Variants in IGF1R observed in about 807,000 individuals in gnomAD.
IGF1R encodes insulin like growth factor 1 receptor.
IGF1R carries 44 observed loss-of-function variants against 144.6 expected under a neutral mutation model. The ratio of observed to expected loss-of-function variants is 0.30; its 90% CI spans 0.24 to 0.39. The LOEUF (loss-of-function observed/expected upper bound fraction) is 0.39, where lower values mean the gene tolerates loss of function less well. Ranked by LOEUF, IGF1R falls within the 10% of genes least tolerant of loss-of-function variation. The probability of loss-of-function intolerance (pLI) is 1.00; values close to 1 mark genes in which losing one functional copy is unlikely to be tolerated. For missense variants in IGF1R, 1,355 were observed against 1,833.7 expected, an observed-to-expected ratio of 0.74 and a Z score of 4.77; for synonymous variants, 795 against 722.8, an observed-to-expected ratio of 1.10 and a Z score of -1.60.
At position 98,650,899 on chromosome 15, in the gene IGF1R, G is replaced by A. The variant is rs1052234692; in HGVS notation, c.94+1224G>A. 137 of 984,656 alleles carry A rather than the reference G, an allele frequency of 1.4e-4. No individual in the cohort carries two copies. In the African/African-American group the frequency reaches 2.2e-3, roughly 16 times the overall value. The allele number at this position is 984,656 out of a possible 1,614,324, so 61.0% of individuals were successfully genotyped here. A position where few individuals can be genotyped will look rare whatever the true frequency, so the allele number is the denominator to read the frequency against. Reference sequence around the variant, plus strand: ...GTGTCGGGTGGGGGTTAGTAGGGAAGCGCGGGGATGCGGGGAGCGAGAACT... The same window carrying A: ...GTGTCGGGTGGGGGTTAGTAGGGAAACGCGGGGATGCGGGGAGCGAGAACT... On this transcript the variant is annotated intron_variant, in intron 1 of 20. Transcript: ENST00000650285.
At chr15:98,677,035 A>T (rs1362057323) in intron 1 of IGF1R, among the ~76,000 whole-genome samples, 2 of 152,092 alleles carry the variant, frequency 1.3e-5, no homozygotes, top group Non-Finnish European at 2.9e-5. Flanking sequence ...TCCTAGGCTC[A>T]AGTAATCCTC....
chr15:98,935,730 A>G lies in IGF1R; in HGVS notation c.3297+304A>G, dbSNP rs1210737979. ...CACATCAGTGTCCACCTGCCAAGCC[A>G]GGCCAGCGCCACTCCCTCCCCGAAG... On this transcript the variant is annotated intron_variant, in intron 17 of 20. Transcript: ENST00000650285. The surrounding 1 kb of genome is among the most constrained non-coding windows in gnomAD (Gnocchi z 4.2). Among the ~76,000 whole-genome samples the G allele has an allele frequency of 2.0e-5, 3 of 146,538 alleles. No homozygotes were observed. Among genetic ancestry groups the G allele is most frequent in the East Asian group, 2.0e-4 (1 of 4,940 alleles).
intron 2 of IGF1R, among the ~76,000 whole-genome samples, chr15:98,877,481 C>A: frequency 7.3e-6 from 1 of 136,572 alleles, no homozygotes; most frequent in South Asian, 2.3e-4. Context: ...AAAAATGGCA[C>A]TAGCAGCCTT....
chr15:98,940,163 T>C (rs2684796), intron 18 of IGF1R, among the ~76,000 whole-genome samples: 117,789 of 152,172 alleles, frequency 0.77, 46,795 homozygotes, highest in Non-Finnish European at 0.88. Flanking sequence ...TTTACCAGGA[T>C]TCTCATCTTC....
At chr15:98,672,904 C>T (rs958406202) in intron 1 of IGF1R, among the ~76,000 whole-genome samples, 1 of 152,176 alleles carries the variant, frequency 6.6e-6, no homozygotes, top group African/African-American at 2.4e-5. Context: ...GGTGGGATTC[C>T]TAATGTCCAG....
chr15:98,951,542 G>A (rs1172003469), intron 20 of IGF1R, among the ~76,000 whole-genome samples: 1 of 152,254 alleles, frequency 6.6e-6, no homozygotes, highest in African/African-American at 2.4e-5. Context: ...TGAAGGCGAG[G>A]AACGCAGGAG....
At chr15:98,835,150 C>G (rs2057076296) in intron 2 of IGF1R, among the ~76,000 whole-genome samples, 1 of 149,312 alleles carries the variant, frequency 6.7e-6, no homozygotes, top group East Asian at 2.0e-4. Flanking sequence ...CCCACACACA[C>G]CCACCCCTAC....
intron 2 of IGF1R, among the ~76,000 whole-genome samples, chr15:98,875,330 CTTTCTTTTCT>C (rs1555455548): frequency 4.2e-5 from 6 of 142,292 alleles, no homozygotes; most frequent in South Asian, 2.2e-4. Context: ...TAGTTTCTTT[CTTTCTTTTCT>C]TTTCTTTTCT....
In IGF1R at chr15:98,648,880, G is replaced by A. The variant is rs1416764779; in HGVS notation, c.-702G>A. 1 of 145,194 alleles carries A rather than the reference G, an allele frequency of 6.9e-6. No individual in the cohort carries two copies. 9.0% of individuals were successfully genotyped at this position (145,194 alleles called of 1,614,324 possible). Reference sequence around the variant, plus strand: ...GGGCGGGGGCCGGGCGGGGGCCGGCGCGGGGCGGGCGGCGGCGCAGAGCCG... The same window carrying A: ...GGGCGGGGGCCGGGCGGGGGCCGGCACGGGGCGGGCGGCGGCGCAGAGCCG... On this transcript the variant is annotated 5_prime_UTR_variant, in exon 1 of 21. Transcript: ENST00000650285.
intron 2 of IGF1R, among the ~76,000 whole-genome samples, chr15:98,730,598 A>T (rs1174834864): frequency 6.6e-6 from 1 of 152,144 alleles, no homozygotes; most frequent in East Asian, 1.9e-4. Context: ...GATGGAAGAG[A>T]GTCACTTGTT....
chr15:98,703,821 T>C (rs2141252449), intron 1 of IGF1R, among the ~76,000 whole-genome samples: 1 of 152,376 alleles, frequency 6.6e-6, no homozygotes, highest in East Asian at 1.9e-4. Flanking sequence ...TTTGTCTTCA[T>C]GTTGTTTCAC....
At chr15:98,667,483 T>C (rs2141189250) in intron 1 of IGF1R, among the ~76,000 whole-genome samples, 1 of 152,360 alleles carries the variant, frequency 6.6e-6, no homozygotes, top group Non-Finnish European at 1.5e-5. Flanking sequence ...GCCAGGAAGC[T>C]TGGAGGGACG....
At chr15:98,811,653 G>A (rs1437947496) in intron 2 of IGF1R, among the ~76,000 whole-genome samples, 3 of 152,028 alleles carry the variant, frequency 2.0e-5, no homozygotes, top group South Asian at 2.1e-4. Context: ...TCAGCTGGGC[G>A]TGGTGGCTGA....
chr15:98,929,279 T>A (rs2015848255), intron 13 of IGF1R, among the ~76,000 whole-genome samples: 1 of 152,150 alleles, frequency 6.6e-6, no homozygotes, highest in South Asian at 2.1e-4. Flanking sequence ...CAAAGATTAT[T>A]TTTCTTCAGT....
intron 2 of IGF1R, among the ~76,000 whole-genome samples, chr15:98,819,651 G>A (rs1235576205): frequency 1.3e-5 from 2 of 152,154 alleles, no homozygotes; most frequent in South Asian, 2.1e-4. Flanking sequence ...TAGGACAAAC[G>A]CCAATAAGCT....
rs2017273524 is a variant in IGF1R at position 98,962,708 on chromosome 15, G to A, written c.*5266G>A. Reference sequence around the variant, plus strand: ...GAGCAGCAGGGTGCAGGGCTTGGAAGGAATGTGGGCAAGGTTTTGAACTTG... The same window carrying A: ...GAGCAGCAGGGTGCAGGGCTTGGAAAGAATGTGGGCAAGGTTTTGAACTTG... On this transcript the variant is annotated 3_prime_UTR_variant, in exon 21 of 21. Transcript: ENST00000650285. 1 of 233,566 alleles carries A rather than the reference G, an allele frequency of 4.3e-6. No homozygotes were observed. The highest frequency in any genetic ancestry group is 2.2e-5 in the African/African-American group (1 of 45,348). The allele number at this position is 233,566 out of a possible 1,614,324, so 14.5% of individuals were successfully genotyped here. A position where few individuals can be genotyped will look rare whatever the true frequency, so the allele number is the denominator to read the frequency against.
intron 2 of IGF1R, among the ~76,000 whole-genome samples, chr15:98,838,878 G>C (rs2011129989): frequency 6.6e-6 from 1 of 152,220 alleles, no homozygotes; most frequent in Non-Finnish European, 1.5e-5. Context: ...TCAAGAATTT[G>C]TTTTTTAGTG....
rs759123779 is a variant in IGF1R at position 98,913,116 on chromosome 15, G to C, written c.1662G>C (p.Val554=). 6.2e-7 allele frequency: 1 copy of C among 1,614,096 alleles called. No individual in the cohort carries two copies. The highest frequency in any genetic ancestry group is 1.3e-5 in the African/African-American group (1 of 74,934). ...CCAACAGCTGGAACATGGTGGACGT[G>C]GACCTCCCGCCCAACAAGGACGTGG... is the stretch of plus-strand genomic sequence containing the variant. ...CGSNSWNMVD[V]DLPPNKDVEP... is the part of the protein sequence containing the mutation. The change falls in exon 8 of 21, where the codon GTG becomes GTC. Residue 554 remains valine, a synonymous_variant. Transcript: ENST00000650285.
At chr15:98,909,818 T>G (rs2715417) in intron 6 of IGF1R, among the ~76,000 whole-genome samples, 76,391 of 152,124 alleles carry the variant, frequency 0.5, 19,585 homozygotes, top group East Asian at 0.66. Flanking sequence ...CCTTGTACTG[T>G]TTATAAAACT....
Sources: gnomAD v4.1 joint callset for allele counts (sites outside exome capture counted in the v4.1 genomes callset) on GRCh38, gnomAD v4.1.1 for gene constraint, Gnocchi (gnomAD v3.1) non-coding constraint, MANE v1.5 for transcripts, NCBI Gene and HGNC (gene_info 2026-07-23, HGNC 2026-07-21) for gene names.